Variants in BPIFC observed in about 807,000 individuals in gnomAD.
BPIFC encodes BPI fold-containing family C protein.
BPIFC carries 60 observed loss-of-function variants against 57.6 expected under a neutral mutation model. That is an observed-to-expected ratio of 1.04 (90% CI 0.85 to 1.29). The LOEUF is 1.29. Ranked by LOEUF, BPIFC falls within the 50% of genes most tolerant of loss-of-function variation. The pLI, the probability that BPIFC is intolerant of heterozygous loss-of-function variation, is 0.00. For missense variants in BPIFC, 581 were observed against 600.5 expected (o/e 0.97, Z 0.34); for synonymous variants, 243 against 224.5 (o/e 1.08, Z -0.74).
intron 10 of BPIFC, 110 bp downstream of exon 10, chr22:32,435,594 G>T: frequency 1.8e-6 from 2 of 1,110,118 alleles, no homozygotes; most frequent in Non-Finnish European, 2.5e-6. Context: ...GGGAGTGATA[G>T]CCTAAAAAGG....
At chr22:32,443,442 C>T (rs542583669) in intron 7 of BPIFC, among the ~76,000 whole-genome samples, 59 of 152,320 alleles carry the variant, frequency 3.9e-4, no homozygotes, top group African/African-American at 1.3e-3. Context: ...GGATTACAGG[C>T]GTGAGCCACC....
At chr22:32,442,336 G>C (rs552497596) in intron 8 of BPIFC, among the ~76,000 whole-genome samples, 3 of 152,318 alleles carry the variant, frequency 2.0e-5, no homozygotes, top group African/African-American at 7.2e-5. Context: ...GAGAACCCCA[G>C]AATAACCTGG....
At chr22:32,433,804 G>A (rs1934313544) in intron 10 of BPIFC, 32 bp from the exon 11 acceptor site, 23 of 1,584,888 alleles carry the variant, frequency 1.5e-5, no homozygotes, top group Non-Finnish European at 2.0e-5. Context: ...GTCACTGTTA[G>A]GATTTTACGT....
intron 4 of BPIFC, 145 bp downstream of exon 4, chr22:32,453,238 G>A (rs1038288815): frequency 1.8e-6 from 1 of 556,662 alleles, no homozygotes; most frequent in Non-Finnish European, 2.9e-6. Flanking sequence ...AGGCAAACTT[G>A]AGAATAGAAA....
At position 32,431,394 on chromosome 22, in the gene BPIFC, G is replaced by A. The variant is rs748323469; in HGVS notation, c.1170C>T (p.Gly390=). ...SMDFVASTSV[G]LVILGQRLVC... ...CCAGTCTTTGTCCCAAAATAACCAG[G>A]CCAACACTGGTACTAGCAACCTATA... The change falls in exon 13 of 17, where the codon GGC becomes GGT. Residue 390 remains glycine, a synonymous_variant. Coordinates refer to ENST00000300399, the MANE Select transcript of BPIFC (RefSeq NM_174932.3). 1.9e-6 allele frequency: 3 copies of A among 1,610,812 alleles called. No individual in the cohort carries two copies. Among genetic ancestry groups the A allele is most frequent in the Admixed American group, 1.7e-5 (1 of 59,906 alleles).
At chr22:32,417,178 G>T in intron 14 of BPIFC, 30 bp from the exon 15 acceptor site, 1 of 1,390,852 alleles carries the variant, frequency 7.2e-7, no homozygotes, top group Non-Finnish European at 1.0e-6. Flanking sequence ...AGAATCAATT[G>T]GCAGATCGGG....
At chr22:32,437,194 A>G (rs1043281749) in intron 9 of BPIFC, among the ~76,000 whole-genome samples, 7 of 152,234 alleles carry the variant, frequency 4.6e-5, no homozygotes, top group African/African-American at 1.7e-4. Flanking sequence ...GGGCAAAGAC[A>G]TATGATCCTT....
intron 14 of BPIFC, among the ~76,000 whole-genome samples, chr22:32,419,150 G>C (rs533572974): frequency 6.6e-6 from 1 of 152,160 alleles, no homozygotes; most frequent in South Asian, 2.1e-4. Flanking sequence ...AAGTATTTCT[G>C]CATAAATAAA....
At chr22:32,427,942 G>A (rs1276730140) in intron 13 of BPIFC, among the ~76,000 whole-genome samples, 4 of 152,124 alleles carry the variant, frequency 2.6e-5, no homozygotes, top group Admixed American at 6.6e-5. Context: ...AGCCCAGATC[G>A]TGCCACTGCA....
Position 32,457,378 on chromosome 22 carries a change from TG to T in BPIFC, c.8del (p.Thr3LysfsTer45). 1.2e-6 allele frequency: 2 copies of T among 1,608,872 alleles called. No homozygotes were observed. Among genetic ancestry groups the T allele is most frequent in the South Asian group, 2.2e-5 (2 of 89,746 alleles). On this transcript the variant is annotated frameshift_variant, in exon 3 of 17. Transcript: ENST00000300399. LOFTEE classifies it high-confidence loss of function. MC[T>X]KTIPVLWGCF... The stretch of plus-strand genomic sequence containing the variant: ...ATCCCCAGAGGACTGGGATTGTCTT[TG>T]TACACATCTGAAATTAACCAACAGT...
chr22:32,453,037 G>C (rs2145961792), intron 4 of BPIFC, among the ~76,000 whole-genome samples: 1 of 152,228 alleles, frequency 6.6e-6, no homozygotes, highest in East Asian at 1.9e-4. Flanking sequence ...TAATAAATGT[G>C]GCCATATAAT....
intron 5 of BPIFC, 50 bp from the exon 6 acceptor site, chr22:32,446,046 G>A (rs753145902): frequency 1.3e-6 from 2 of 1,592,962 alleles, no homozygotes; most frequent in African/African-American, 2.7e-5. Flanking sequence ...GCACAGAGAT[G>A]GATCTTGTTT....
chr22:32,460,633 T>C (rs1935140362), intron 2 of BPIFC, among the ~76,000 whole-genome samples: 1 of 152,200 alleles, frequency 6.6e-6, no homozygotes, highest in Non-Finnish European at 1.5e-5. Flanking sequence ...CCTATGTTTT[T>C]CCCCTCTGCC....
rs60435246 is a variant in BPIFC, at chr22:32,448,912, G to A, written c.246-1572C>T. ...AGATCGCCCCACTGCACACCAGCCC[G>A]GGTGACAGTGTGAGACTTCGTCTCA... is the stretch of plus-strand genomic sequence containing the variant. On this transcript the variant is annotated intron_variant, in intron 4 of 16. Coordinates refer to ENST00000300399, the MANE Select transcript of BPIFC (RefSeq NM_174932.3). Among the ~76,000 whole-genome samples, 249 of 151,998 alleles carry A rather than the reference G, an allele frequency of 1.6e-3. 2 individuals are homozygous for A. The highest frequency in any genetic ancestry group is 5.6e-3 in the African/African-American group (233 of 41,432).
chr22:32,414,501 T>C, intron 16 of BPIFC, 76 bp from the exon 17 acceptor site: 4 of 1,518,910 alleles, frequency 2.6e-6, no homozygotes, highest in Non-Finnish European at 3.5e-6. Context: ...GAGGAAGAGA[T>C]GGCTTCTTTT....
At chr22:32,453,544 G>T in intron 3 of BPIFC, 41 bp from the exon 4 acceptor site, 1 of 1,544,166 alleles carries the variant, frequency 6.5e-7, no homozygotes, top group Non-Finnish European at 8.7e-7. Flanking sequence ...TAATGACAAA[G>T]ATAATAATAG....
chr22:32,416,581 C>T (rs1019734762), intron 15 of BPIFC, among the ~76,000 whole-genome samples: 1 of 152,118 alleles, frequency 6.6e-6, no homozygotes, highest in African/African-American at 2.4e-5. Context: ...TTTGAAAATA[C>T]ATAATTAGTG....
chr22:32,437,374 T>C (rs1301332275), intron 9 of BPIFC, among the ~76,000 whole-genome samples: 1 of 152,082 alleles, frequency 6.6e-6, no homozygotes, highest in East Asian at 1.9e-4. Flanking sequence ...TTGTTTTTTG[T>C]TTTTGTTTTT....
intron 7 of BPIFC, among the ~76,000 whole-genome samples, 181 bp from the exon 8 acceptor site, chr22:32,442,912 G>A (rs1218891655): frequency 6.6e-6 from 1 of 152,154 alleles, no homozygotes; most frequent in Non-Finnish European, 1.5e-5. Context: ...AGATACGGGT[G>A]GTATGTCACT....
Sources: gnomAD v4.1 joint callset for allele counts (sites outside exome capture counted in the v4.1 genomes callset) on GRCh38, gnomAD v4.1.1 for gene constraint, MANE v1.5 for transcripts, NCBI Gene and HGNC (gene_info 2026-07-23, HGNC 2026-07-21) for gene names.